LYZL6: variants seen among roughly 807,000 people sequenced by gnomAD.
LYZL6 encodes lysozyme-like protein 6.
LYZL6 carries 21 observed loss-of-function variants against 15.0 expected under a neutral mutation model. That is an observed-to-expected ratio of 1.40 (90% CI 1.00 to 2.02). LYZL6 has a LOEUF of 2.02. LYZL6 is among the 30% of genes most tolerant of loss of function. The pLI is 0.00. For synonymous variants in LYZL6, 72 were observed against 67.8 expected, an observed-to-expected ratio of 1.06 and a Z score of -0.31; for missense variants, 173 against 180.5, an observed-to-expected ratio of 0.96 and a Z score of 0.24.
intron 3 of LYZL6, among the ~76,000 whole-genome samples, chr17:35,937,078 C>G (rs1390067675): frequency 6.6e-6 from 1 of 152,220 alleles, no homozygotes; most frequent in Non-Finnish European, 1.5e-5. Flanking sequence ...TTCTTCCTAA[C>G]CAGGGTAGAT....
rs9754 is a variant in LYZL6 at position 35,934,827 on chromosome 17, A to G, written c.416T>C (p.Phe139Ser). ...WRLHCSGRPL[F>S]YWLTGCRLR Reference sequence around the variant, plus strand: ...CAGGCGGCATCCTGTCAGCCAGTAGAAGAGTGGCCGGCCTGAACAGTGCAA... The same window carrying G: ...CAGGCGGCATCCTGTCAGCCAGTAGGAGAGTGGCCGGCCTGAACAGTGCAA... The change falls in exon 5 of 5, where the codon TTC (phenylalanine) becomes TCC (serine). Residue 139 changes from phenylalanine to serine, a missense_variant. By Grantham distance (155) the Phe-to-Ser change is radical (BLOSUM62 -2). Transcript: ENST00000615905. The G allele has an allele frequency of 0.16, 258,962 of 1,613,548 alleles. 22,023 individuals carry two copies. Among genetic ancestry groups the G allele is most frequent in the South Asian group, 0.26 (23,654 of 91,004 alleles).
intron 1 of LYZL6, among the ~76,000 whole-genome samples, chr17:35,941,489 G>C (rs1159331577): frequency 1.3e-5 from 2 of 151,950 alleles, no homozygotes; most frequent in Non-Finnish European, 2.9e-5. Context: ...TTTTAATTTT[G>C]ATGATGTGCA....
intron 1 of LYZL6, among the ~76,000 whole-genome samples, chr17:35,942,426 C>A (rs1180248334): frequency 1.3e-5 from 2 of 152,134 alleles, no homozygotes; most frequent in African/African-American, 4.8e-5. Context: ...TTCTTCCACC[C>A]GCCGCCTTCA....
chr17:35,937,780 G>A lies in LYZL6; in HGVS notation c.276C>T (p.Asn92=), dbSNP rs921748886. Residue 92 remains asparagine, a synonymous_variant, in exon 3 of 5, where the codon AAC becomes AAT. Coordinates refer to ENST00000615905, the MANE Select transcript of LYZL6 (RefSeq NM_020426.4). ...GACCTTGACAGTCTACGTGGCAAAG[G>A]TTTTCCGAGTAACTCTTATAATCGT... The part of the protein sequence containing the change: ...WCNDYKSYSE[N]LCHVDCQDLL... The A allele has an allele frequency of 1.2e-6, 2 of 1,614,182 alleles. No homozygotes were observed. The highest frequency in any genetic ancestry group is 2.2e-5 in the East Asian group (1 of 44,892).
Position 35,937,881 on chromosome 17 carries a change from T to C in LYZL6, c.175A>G (p.Ile59Val), listed in dbSNP as rs980890499. Reference sequence around the variant, plus strand: ...TCTGCATTTTCATTTATCTTTGATATGTTGAACTTGCTTTCCACAAAAGCC... The same window carrying C: ...TCTGCATTTTCATTTATCTTTGATACGTTGAACTTGCTTTCCACAAAAGCC... The part of the protein sequence containing the change: ...CLAFVESKFN[I>V]SKINENADGS... Residue 59 changes from isoleucine (I) to valine (V), a missense_variant, in exon 3 of 5, where the codon ATA becomes GTA. Coordinates refer to ENST00000615905, the MANE Select transcript of LYZL6 (RefSeq NM_020426.4). 3.7e-6 allele frequency: 6 copies of C among 1,613,958 alleles called. No homozygotes were observed. The African/African-American group carries it at 6.7e-5, about 18-fold the overall frequency.
chr17:35,941,971 A>C (rs1017979098), intron 1 of LYZL6, among the ~76,000 whole-genome samples: 1 of 152,240 alleles, frequency 6.6e-6, no homozygotes, highest in African/African-American at 2.4e-5. Flanking sequence ...CTTGCAATCA[A>C]AATTAACATC....
Position 35,937,799 on chromosome 17 carries a change from T to G in LYZL6, c.257A>C (p.Tyr86Ser). 3.1e-6 allele frequency: 5 copies of G among 1,614,202 alleles called. No individual in the cohort carries two copies. The highest frequency in any genetic ancestry group is 3.4e-6 in the Non-Finnish European group (4 of 1,180,030). The stretch of plus-strand genomic sequence containing the variant: ...GCAAAGGTTTTCCGAGTAACTCTTA[T>G]AATCGTTGCACCAGTAGTGGCTGTT... Reference protein sequence around the residue: ...QINSHYWCNDYKSYSENLCHV... With the variant: ...QINSHYWCNDSKSYSENLCHV... The change falls in exon 3 of 5, where the codon TAT (tyrosine) becomes TCT (serine). Residue 86 changes from tyrosine to serine, a missense_variant. Coordinates refer to ENST00000615905, the MANE Select transcript of LYZL6 (RefSeq NM_020426.4).
At position 35,937,765 on chromosome 17, in the gene LYZL6, G is replaced by T. The variant is rs764823605; in HGVS notation, c.291C>A (p.Asp97Glu). The change falls in exon 3 of 5, where the codon GAC becomes GAA. Residue 97 changes from aspartate (D) to glutamate (E), a missense_variant. Transcript: ENST00000615905. Reference protein sequence around the residue: ...KSYSENLCHVDCQDLLNPNLL... With the variant: ...KSYSENLCHVECQDLLNPNLL... Reference sequence around the variant, plus strand: ...CTGGGGCCCTGGCCAGACCTTGACAGTCTACGTGGCAAAGGTTTTCCGAGT... The same window carrying T: ...CTGGGGCCCTGGCCAGACCTTGACATTCTACGTGGCAAAGGTTTTCCGAGT... 1.2e-6 allele frequency: 2 copies of T among 1,613,994 alleles called. No homozygotes were observed. The highest frequency in any genetic ancestry group is 1.7e-6 in the Non-Finnish European group (2 of 1,179,992).
intron 4 of LYZL6, among the ~76,000 whole-genome samples, chr17:35,935,334 C>G (rs149228274): frequency 6.6e-6 from 1 of 152,174 alleles, no homozygotes; most frequent in Non-Finnish European, 1.5e-5. Flanking sequence ...GAAAAGGTGA[C>G]TATCTGAATG....
intron 3 of LYZL6, 30 bp downstream of exon 3, chr17:35,937,728 A>G (rs777291754): frequency 8.7e-6 from 14 of 1,603,934 alleles, no homozygotes; most frequent in Non-Finnish European, 1.2e-5. Flanking sequence ...TGCTGCTCTC[A>G]TCTCTCCCAC....
In LYZL6 at chr17:35,939,469, TACTC is replaced by T; in HGVS notation, c.-117_-114del. The T allele has an allele frequency of 9.6e-7, 1 of 1,039,058 alleles. No homozygotes were observed. Among genetic ancestry groups the T allele is most frequent in the Non-Finnish European group, 1.4e-6 (1 of 706,382 alleles). 64.4% of individuals were successfully genotyped at this position (1,039,058 alleles called of 1,614,324 possible). A position where few individuals can be genotyped will look rare whatever the true frequency, so the allele number is the denominator to read the frequency against. ...TCTGGAGAGGGCAGCCAGGTTTCCT[TACTC>T]ACTCACTGCTCCAACCTGGCTGTTT... On this transcript the variant is annotated 5_prime_UTR_variant, in exon 2 of 5. Transcript: ENST00000615905.
At chr17:35,940,429 C>T (rs1412382038) in intron 1 of LYZL6, among the ~76,000 whole-genome samples, 3 of 152,118 alleles carry the variant, frequency 2.0e-5, no homozygotes, top group Admixed American at 6.5e-5. Flanking sequence ...TGTATTGGGG[C>T]ATGTCAAATG....
chr17:35,943,046 G>C (rs2089435755), intron 1 of LYZL6, among the ~76,000 whole-genome samples: 1 of 151,904 alleles, frequency 6.6e-6, no homozygotes, highest in Admixed American at 6.6e-5. Flanking sequence ...CCTCATGAAT[G>C]CCCCTCTCTA....
At position 35,934,553 on chromosome 17, in the gene LYZL6, TA is replaced by T. The variant is rs773044107; in HGVS notation, c.*242del. 4 of 521,954 alleles carry T rather than the reference TA, an allele frequency of 7.7e-6. No homozygotes were observed. The highest frequency in any genetic ancestry group is 1.4e-5 in the Non-Finnish European group (4 of 294,366). The allele number at this position is 521,954 out of a possible 1,614,324, so 32.3% of individuals were successfully genotyped here. ...GAGTGCTTTAATATTTCGATAAATA[TA>T]AAGATTTCTTTATTGTGGTCCTCAG... On this transcript the variant is annotated 3_prime_UTR_variant, in exon 5 of 5. Coordinates refer to ENST00000615905, the MANE Select transcript of LYZL6 (RefSeq NM_020426.4).
In LYZL6 at chr17:35,937,872, T is replaced by C. The variant is rs1391469109; in HGVS notation, c.184A>G (p.Ile62Val). ...AAGCTTCCGTCTGCATTTTCATTTA[T>C]CTTTGATATGTTGAACTTGCTTTCC... is the stretch of plus-strand genomic sequence containing the variant. ...FVESKFNISK[I>V]NENADGSFDY... is the part of the protein sequence containing the mutation. Residue 62 changes from isoleucine (I) to valine (V), a missense_variant, in exon 3 of 5, where the codon ATA becomes GTA. By Grantham distance (29) the Ile-to-Val change is conservative. Transcript: ENST00000615905. 1.2e-6 allele frequency: 2 copies of C among 1,614,122 alleles called. No homozygotes were observed. The highest frequency in any genetic ancestry group is 1.7e-6 in the Non-Finnish European group (2 of 1,180,030).
intron 1 of LYZL6, among the ~76,000 whole-genome samples, chr17:35,942,440 G>A (rs1368381242): frequency 6.6e-6 from 1 of 152,174 alleles, no homozygotes; most frequent in African/African-American, 2.4e-5. Flanking sequence ...GCCTTCAAGT[G>A]TCAGGCGGCT....
chr17:35,934,946 C>T (rs2089357983), intron 4 of LYZL6, 81 bp from the exon 5 acceptor site: 1 of 1,338,310 alleles, frequency 7.5e-7, no homozygotes, highest in Non-Finnish European at 1.1e-6. Flanking sequence ...GTGAGTCTCG[C>T]ATATGGAGCA....
At position 35,937,803 on chromosome 17, in the gene LYZL6, C is replaced by A. The variant is rs370894634; in HGVS notation, c.253G>T (p.Asp85Tyr). 6.2e-7 allele frequency: 1 copy of A among 1,614,170 alleles called. No homozygotes were observed. The highest frequency in any genetic ancestry group is 1.3e-5 in the African/African-American group (1 of 75,056). ...FQINSHYWCNDYKSYSENLCH... is the reference protein window; with the variant it reads ...FQINSHYWCNYYKSYSENLCH... ...AGGTTTTCCGAGTAACTCTTATAAT[C>A]GTTGCACCAGTAGTGGCTGTTGATC... Residue 85 changes from aspartate (D) to tyrosine (Y), a missense_variant, in exon 3 of 5, where the codon GAT (aspartate) becomes TAT (tyrosine). Coordinates refer to ENST00000615905, the MANE Select transcript of LYZL6 (RefSeq NM_020426.4).
At chr17:35,937,727 C>T (rs202113607) in intron 3 of LYZL6, 31 bp downstream of exon 3, 1 of 1,603,514 alleles carries the variant, frequency 6.2e-7, no homozygotes, top group East Asian at 2.2e-5. Context: ...TTGCTGCTCT[C>T]ATCTCTCCCA....
Sources: allele counts gnomAD v4.1 joint callset (sites outside exome capture counted in the v4.1 genomes callset), GRCh38; gene constraint gnomAD v4.1.1; transcripts MANE v1.5; gene names NCBI Gene and HGNC (gene_info 2026-07-23, HGNC 2026-07-21).